CDH4: variants seen among roughly 807,000 people sequenced by gnomAD.
CDH4 encodes the protein cadherin-4.
Under a neutral mutation model 86.0 loss-of-function variants are expected in CDH4, and 33 were observed. The observed-to-expected ratio is 0.38, with a 90% CI of 0.29 to 0.51. CDH4 has a LOEUF of 0.51. CDH4 is among the 20% of genes least tolerant of loss of function. The pLI is 0.86. For synonymous variants in CDH4, 555 were observed against 549.4 expected (o/e 1.01, Z -0.14); for missense variants, 1,114 against 1,307.4 (o/e 0.85, Z 2.28).
chr20:61,646,334 C>T (rs2087061013), intron 2 of CDH4, among the ~76,000 whole-genome samples: 1 of 152,318 alleles, frequency 6.6e-6, no homozygotes, highest in Admixed American at 6.5e-5. Flanking sequence ...TCAGCCCGCA[C>T]CTGCTCAGCA....
rs1384777144 is a variant in CDH4 at position 61,902,588 on chromosome 20, C to T, written c.1188+7541C>T. On this transcript the variant is annotated intron_variant, in intron 8 of 15. Coordinates refer to ENST00000614565, the MANE Select transcript of CDH4 (RefSeq NM_001794.5). This position sits in a 1 kb window ranked among gnomAD's most constrained non-coding sequence, Gnocchi z 4.6. The stretch of plus-strand genomic sequence containing the variant: ...TGCGCTTTGGCTGCCGGAAGGTCTC[C>T]GTGGCAACTCCGAAACTCCGCCATT... Among the ~76,000 whole-genome samples, 2 of 152,298 alleles carry T rather than the reference C, an allele frequency of 1.3e-5. No individual in the cohort carries two copies. Among genetic ancestry groups the T allele is most frequent in the South Asian group, 2.1e-4 (1 of 4,816 alleles).
At chr20:61,268,075 G>A (rs1261343783) in intron 2 of CDH4, among the ~76,000 whole-genome samples, 3 of 152,232 alleles carry the variant, frequency 2.0e-5, no homozygotes, top group Non-Finnish European at 2.9e-5. Context: ...ACCCCTAAGG[G>A]TCTTCTTCCG....
At chr20:61,875,335 T>TG (rs933875760) in intron 7 of CDH4, among the ~76,000 whole-genome samples, 1 of 151,804 alleles carries the variant, frequency 6.6e-6, no homozygotes, top group African/African-American at 2.4e-5. Context: ...AGAGGCCAGT[T>TG]GGGGGGTAAC....
intron 2 of CDH4, among the ~76,000 whole-genome samples, chr20:61,560,290 A>G (rs2086207233): frequency 6.6e-6 from 1 of 152,306 alleles, no homozygotes; most frequent in African/African-American, 2.4e-5. Context: ...CAGGGGGTAC[A>G]TGTGCAGGTT....
intron 2 of CDH4, among the ~76,000 whole-genome samples, chr20:61,263,164 G>C (rs1418483783): frequency 6.6e-6 from 1 of 152,050 alleles, no homozygotes; most frequent in Non-Finnish European, 1.5e-5. Flanking sequence ...GCATTTGCAG[G>C]CTCCTTCAGT....
intron 2 of CDH4, among the ~76,000 whole-genome samples, chr20:61,343,610 T>C (rs566057554): frequency 4.4e-4 from 67 of 152,316 alleles, no homozygotes; most frequent in Non-Finnish European, 7.5e-4. Context: ...AGGCAAGTTG[T>C]GCTTGCGGTA....
intron 2 of CDH4, among the ~76,000 whole-genome samples, chr20:61,414,722 A>G (rs1201642681): frequency 6.6e-6 from 1 of 152,206 alleles, no homozygotes; most frequent in Non-Finnish European, 1.5e-5. Flanking sequence ...ACCTCTCAGA[A>G]TCAGAATTCC....
intron 2 of CDH4, among the ~76,000 whole-genome samples, chr20:61,479,470 C>A (rs922996558): frequency 1.3e-5 from 2 of 151,672 alleles, no homozygotes; most frequent in South Asian, 4.2e-4. Context: ...TTTGTCCTTG[C>A]GATAGTTTGC....
intron 2 of CDH4, among the ~76,000 whole-genome samples, chr20:61,618,654 G>C (rs1203238840): frequency 6.6e-6 from 1 of 152,188 alleles, no homozygotes; most frequent in Non-Finnish European, 1.5e-5. Context: ...GCGGTGCTGG[G>C]CAGATGGATC....
At chr20:61,554,512 G>A (rs1210010848) in intron 2 of CDH4, among the ~76,000 whole-genome samples, 2 of 152,218 alleles carry the variant, frequency 1.3e-5, no homozygotes, top group Admixed American at 1.3e-4. Context: ...AGAGCCATAA[G>A]GAGCCTTTCC....
rs769290191 is a variant in CDH4, at chr20:61,526,615, A to T, written c.170-216948A>T. On this transcript the variant is annotated intron_variant, in intron 2 of 15. Transcript: ENST00000614565. Reference sequence around the variant, plus strand: ...TGCACCCACTAACTCGTCATCTAGCATTAGGTATATCTCCCAATGCTATCC... The same window carrying T: ...TGCACCCACTAACTCGTCATCTAGCTTTAGGTATATCTCCCAATGCTATCC... 2.7e-5 allele frequency among the ~76,000 whole-genome samples: 4 copies of T among 150,266 alleles called. No individual in the cohort carries two copies. The East Asian group carries it at 8.0e-4, about 30-fold the overall frequency.
At chr20:61,449,743 G>A (rs2085370120) in intron 2 of CDH4, among the ~76,000 whole-genome samples, 2 of 152,178 alleles carry the variant, frequency 1.3e-5, no homozygotes, top group Non-Finnish European at 2.9e-5. Flanking sequence ...CTACAGAAGT[G>A]AAATTATACC....
chr20:61,542,205 C>T (rs991002481), intron 2 of CDH4, among the ~76,000 whole-genome samples: 1 of 152,154 alleles, frequency 6.6e-6, no homozygotes, highest in Non-Finnish European at 1.5e-5. Flanking sequence ...AAAACCCACC[C>T]CATCCTGACT....
chr20:61,783,465 T>G (rs1169969801), intron 4 of CDH4, among the ~76,000 whole-genome samples: 6 of 151,950 alleles, frequency 3.9e-5, no homozygotes, highest in Admixed American at 1.3e-4. Context: ...CTTGGGACAG[T>G]TCTCGAGGCC....
intron 2 of CDH4, among the ~76,000 whole-genome samples, chr20:61,522,704 T>TGCGGGCTGTTGTCTTCCGCGGAAATGGCC (rs367787741): frequency 6.6e-6 from 1 of 152,170 alleles, no homozygotes; most frequent in South Asian, 2.1e-4. Context: ...TTCACCCGGC[T>TGCGGGCTGTTGTCTTCCGCGGAAATGGCC]GCGGGCTGTT....
At chr20:61,823,129 A>G (rs544302053) in intron 4 of CDH4, among the ~76,000 whole-genome samples, 2 of 152,056 alleles carry the variant, frequency 1.3e-5, no homozygotes, top group African/African-American at 2.4e-5. Context: ...TTTTCTTTCT[A>G]TTCAGGCCTT....
At chr20:61,771,449 C>T (rs1047802019) in intron 3 of CDH4, among the ~76,000 whole-genome samples, 2 of 151,844 alleles carry the variant, frequency 1.3e-5, no homozygotes, top group African/African-American at 2.4e-5. Flanking sequence ...CATGGCAAAA[C>T]CCCATCTCTA....
chr20:61,565,186 G>C (rs1160873476), intron 2 of CDH4, among the ~76,000 whole-genome samples: 1 of 104,376 alleles, frequency 9.6e-6, no homozygotes, highest in Non-Finnish European at 2.1e-5. Flanking sequence ...TGGTGGTGGT[G>C]GTCCTCTTGG....
At chr20:61,282,038 C>T (rs1045166827) in intron 2 of CDH4, among the ~76,000 whole-genome samples, 2 of 152,198 alleles carry the variant, frequency 1.3e-5, no homozygotes, top group African/African-American at 2.4e-5. Flanking sequence ...CTCGGAAGCA[C>T]GCATGGCATA....
Sources: gnomAD v4.1 joint callset for allele counts (sites outside exome capture counted in the v4.1 genomes callset) on GRCh38, gnomAD v4.1.1 for gene constraint, Gnocchi (gnomAD v3.1) non-coding constraint, MANE v1.5 for transcripts, NCBI Gene and HGNC (gene_info 2026-07-23, HGNC 2026-07-21) for gene names.